The following AMOTL1 variants were observed in gnomAD, a reference collection of about 807,000 sequenced individuals.
AMOTL1 encodes angiomotin like 1, also known as angiomotin-like protein 1.
AMOTL1 carries 45 observed loss-of-function variants against 102.9 expected under a neutral mutation model. The ratio of observed to expected loss-of-function variants is 0.44; its 90% CI spans 0.34 to 0.56. The LOEUF (loss-of-function observed/expected upper bound fraction) is 0.56, where lower values mean the gene tolerates loss of function less well. Ranked by LOEUF, AMOTL1 falls within the 20% of genes least tolerant of loss-of-function variation. The pLI, the probability that AMOTL1 is intolerant of heterozygous loss-of-function variation, is 0.01. For missense variants in AMOTL1, 1,114 were observed against 1,225.6 expected, an observed-to-expected ratio of 0.91 and a Z score of 1.36; for synonymous variants, 481 against 484.7, an observed-to-expected ratio of 0.99 and a Z score of 0.10.
intron 2 of AMOTL1, among the ~76,000 whole-genome samples, chr11:94,730,457 G>C (rs1950330550): frequency 6.6e-6 from 1 of 152,142 alleles, no homozygotes; most frequent in South Asian, 2.1e-4. Context: ...ATCCTGGTCT[G>C]AAGGAGAGTC....
intron 3 of AMOTL1, among the ~76,000 whole-genome samples, chr11:94,756,918 A>T (rs12278340): frequency 0.022 from 3,395 of 152,262 alleles, 132 homozygotes; most frequent in African/African-American, 0.078. Context: ...GCCTGAGTTT[A>T]TATCAATCAG....
intron 9 of AMOTL1, 92 bp from the exon 10 acceptor site, chr11:94,864,643 C>T (rs1184130436): frequency 1.3e-6 from 2 of 1,522,400 alleles, no homozygotes; most frequent in African/African-American, 1.4e-5. Context: ...TCTGTTCCAG[C>T]ATGAACACCA....
At chr11:94,788,022 A>G (rs1199266140) in intron 1 of AMOTL1, among the ~76,000 whole-genome samples, 1 of 152,200 alleles carries the variant, frequency 6.6e-6, no homozygotes, top group Non-Finnish European at 1.5e-5. Flanking sequence ...GGATAGTGCT[A>G]TCGCAGGTAG....
intron 1 of AMOTL1, among the ~76,000 whole-genome samples, chr11:94,792,538 T>C (rs182435170): frequency 6.6e-6 from 1 of 152,236 alleles, no homozygotes; most frequent in African/African-American, 2.4e-5. Flanking sequence ...GGTTGTCTCT[T>C]GGCTTTAGAC....
intron 12 of AMOTL1, 56 bp downstream of exon 12, chr11:94,869,529 A>C: frequency 6.6e-7 from 1 of 1,504,380 alleles, no homozygotes; most frequent in East Asian, 2.4e-5. Flanking sequence ...GTCTGGCCTA[A>C]GAGAATCTTT....
intron 3 of AMOTL1, among the ~76,000 whole-genome samples, chr11:94,746,100 T>C (rs1950587564): frequency 6.6e-6 from 1 of 152,234 alleles, no homozygotes; most frequent in Non-Finnish European, 1.5e-5. Context: ...ATTCTCAGTG[T>C]TGCAGCAAGA....
At chr11:94,735,684 T>C (rs1950428969) in intron 2 of AMOTL1, among the ~76,000 whole-genome samples, 1 of 152,150 alleles carries the variant, frequency 6.6e-6, no homozygotes, top group African/African-American at 2.4e-5. Flanking sequence ...AAACAATTCG[T>C]ATACACATTT....
intron 1 of AMOTL1, among the ~76,000 whole-genome samples, chr11:94,782,399 C>T (rs1951126729): frequency 6.6e-6 from 1 of 151,978 alleles, no homozygotes; most frequent in African/African-American, 2.4e-5. Flanking sequence ...GATTGAAATC[C>T]ATGGTATATT....
chr11:94,776,619 C>T (rs141980709), intron 1 of AMOTL1, among the ~76,000 whole-genome samples: 96 of 152,274 alleles, frequency 6.3e-4, no homozygotes, highest in African/African-American at 2.1e-3. Flanking sequence ...CCTGTGGCCA[C>T]GTGCCAGGGA....
At chr11:94,817,692 T>G (rs905832789) in intron 3 of AMOTL1, among the ~76,000 whole-genome samples, 1 of 152,142 alleles carries the variant, frequency 6.6e-6, no homozygotes, top group African/African-American at 2.4e-5. Flanking sequence ...TTTCAAAAGG[T>G]GTTTTTTATA....
intron 1 of AMOTL1, among the ~76,000 whole-genome samples, chr11:94,707,246 C>CTGTGTGTGTG (rs1173917311): frequency 3.5e-4 from 21 of 59,916 alleles, no homozygotes; most frequent in Non-Finnish European, 5.5e-4. Context: ...CTCTCTCTCT[C>CTGTGTGTGTG]TCTCTGTGTG....
intron 1 of AMOTL1, among the ~76,000 whole-genome samples, chr11:94,773,763 G>A (rs1469557823): frequency 1.3e-5 from 2 of 152,190 alleles, no homozygotes; most frequent in Non-Finnish European, 2.9e-5. Flanking sequence ...AGTGGTTGAG[G>A]ACCTTTTTGA....
At chr11:94,756,130 G>C (rs908837841) in intron 3 of AMOTL1, among the ~76,000 whole-genome samples, 2 of 152,174 alleles carry the variant, frequency 1.3e-5, no homozygotes, top group Non-Finnish European at 2.9e-5. Context: ...ATGGCCTGCA[G>C]TGTTGGATGG....
chr11:94,768,628 C>T, intron 1 of AMOTL1, 68 bp downstream of exon 1: 4 of 1,548,888 alleles, frequency 2.6e-6, no homozygotes, highest in Non-Finnish European at 3.5e-6. Context: ...ACCCAGTCGC[C>T]CCGGGCTCCC....
intron 6 of AMOTL1, among the ~76,000 whole-genome samples, chr11:94,840,654 G>GTA (rs551220386): frequency 0.024 from 2,693 of 111,068 alleles, 44 homozygotes; most frequent in African/African-American, 0.042. Context: ...CTTAAAAAAC[G>GTA]TATATATATA....
chr11:94,707,351 G>A (rs1949948478), intron 1 of AMOTL1, among the ~76,000 whole-genome samples: 1 of 151,402 alleles, frequency 6.6e-6, no homozygotes, highest in Non-Finnish European at 1.5e-5. Flanking sequence ...AGTTATATGA[G>A]TCTCTGTCAC....
chr11:94,845,387 A>G (rs1421014533), intron 6 of AMOTL1, among the ~76,000 whole-genome samples: 1 of 152,202 alleles, frequency 6.6e-6, no homozygotes, highest in Non-Finnish European at 1.5e-5. Flanking sequence ...GACATTGTAC[A>G]AGTGTCATAG....
chr11:94,759,427 T>C lies in AMOTL1; in HGVS notation c.136+18439T>C, dbSNP rs560714491. On this transcript the variant is annotated intron_variant, in intron 3 of 4. Transcript: ENST00000299004. Reference sequence around the variant, plus strand: ...TTACTTAAGCATTTGTAGTTTGGAGTATCTGGTACTAGCTAAGAAATAATT... The same window carrying C: ...TTACTTAAGCATTTGTAGTTTGGAGCATCTGGTACTAGCTAAGAAATAATT... 8.5e-4 allele frequency among the ~76,000 whole-genome samples: 130 copies of C among 152,322 alleles called. 1 individual carries two copies. The highest frequency in any genetic ancestry group is 1.6e-3 in the Non-Finnish European group (111 of 68,032).
chr11:94,854,619 G>A (rs1326096966), intron 8 of AMOTL1, among the ~76,000 whole-genome samples: 1 of 152,134 alleles, frequency 6.6e-6, no homozygotes, highest in Non-Finnish European at 1.5e-5. Flanking sequence ...TTTTAAGCTG[G>A]AGAGAAACAT....
Sources: allele counts gnomAD v4.1 joint callset (sites outside exome capture counted in the v4.1 genomes callset), GRCh38; gene constraint gnomAD v4.1.1; transcripts MANE v1.5; gene names NCBI Gene and HGNC (gene_info 2026-07-23, HGNC 2026-07-21).